MYO5B: variants seen among roughly 807,000 people sequenced by gnomAD.
The protein encoded by MYO5B is myosin VB, also known as unconventional myosin-Vb.
A neutral mutation model predicts 229.3 loss-of-function variants in MYO5B; 143 were observed. The ratio of observed to expected loss-of-function variants is 0.62; its 90% CI spans 0.54 to 0.72. MYO5B has a LOEUF of 0.72. Ranked by LOEUF, MYO5B falls within the 30% of genes least tolerant of loss-of-function variation. The pLI, the probability that MYO5B is intolerant of heterozygous loss-of-function variation, is 0.00. For missense variants in MYO5B, 2,321 were observed against 2,331.0 expected (o/e 1.00, Z 0.09); for synonymous variants, 918 against 885.2 (o/e 1.04, Z -0.66).
chr18:49,933,996 C>T (rs565575651), intron 16 of MYO5B, among the ~76,000 whole-genome samples: 5 of 152,258 alleles, frequency 3.3e-5, no homozygotes, highest in African/African-American at 1.2e-4. Flanking sequence ...CCACCTCAGC[C>T]TCTGGAGTAG....
chr18:49,903,769 A>C (rs1487882636), intron 20 of MYO5B, among the ~76,000 whole-genome samples: 1 of 152,248 alleles, frequency 6.6e-6, no homozygotes, highest in Non-Finnish European at 1.5e-5. Context: ...TCTGTGCTTC[A>C]GATGTGTTGG....
intron 1 of MYO5B, among the ~76,000 whole-genome samples, chr18:50,145,244 T>C (rs2032481055): frequency 6.6e-6 from 1 of 151,938 alleles, no homozygotes; most frequent in Admixed American, 6.6e-5. Flanking sequence ...TCTCAGCACT[T>C]TGGGAGGCCA....
At chr18:50,193,260 C>G (rs938936693) in intron 1 of MYO5B, among the ~76,000 whole-genome samples, 2 of 152,236 alleles carry the variant, frequency 1.3e-5, no homozygotes, top group Admixed American at 6.5e-5. Context: ...AGAGTTCACG[C>G]CCTGGCTCCC....
At chr18:49,862,369 A>G (rs936555040) in intron 29 of MYO5B, among the ~76,000 whole-genome samples, 3 of 152,218 alleles carry the variant, frequency 2.0e-5, no homozygotes, top group Admixed American at 1.3e-4. Context: ...TCACGGCAGT[A>G]ACACTCATCA....
rs146240493 is a variant in MYO5B at position 50,056,413 on chromosome 18, T to C, written c.28-1035A>G. The stretch of plus-strand genomic sequence containing the variant: ...GCTGAATGGCAGCATCTGGATCTCC[T>C]GGGATCCTACTGCACAGCTGTCAGA... On this transcript the variant is annotated intron_variant, in intron 1 of 39. Coordinates refer to ENST00000285039, the MANE Select transcript of MYO5B (RefSeq NM_001080467.3). Among the ~76,000 whole-genome samples, 15 of 152,326 alleles carry C rather than the reference T, an allele frequency of 9.8e-5. No individual in the cohort carries two copies. The East Asian group carries it at 2.9e-3, about 29-fold the overall frequency.
intron 10 of MYO5B, among the ~76,000 whole-genome samples, chr18:49,974,097 T>C (rs532626881): frequency 1.9e-4 from 29 of 152,230 alleles, no homozygotes; most frequent in Non-Finnish European, 3.8e-4. Context: ...GGGTTTCTCA[T>C]TGGGAAACTC....
At chr18:49,992,165 A>G in intron 6 of MYO5B, 123 bp downstream of exon 6, 1 of 1,348,660 alleles carries the variant, frequency 7.4e-7, no homozygotes, top group Non-Finnish European at 1.1e-6. Flanking sequence ...CCAAAAGAAC[A>G]ACTACATTCA....
intron 26 of MYO5B, among the ~76,000 whole-genome samples, chr18:49,873,092 A>G (rs1272008419): frequency 6.6e-6 from 1 of 152,240 alleles, no homozygotes; most frequent in Non-Finnish European, 1.5e-5. Context: ...AACACTCTGT[A>G]ATGCTGTCTG....
At chr18:49,992,525 T>G in intron 5 of MYO5B, 94 bp from the exon 6 acceptor site, 4 of 1,559,770 alleles carry the variant, frequency 2.6e-6, no homozygotes, top group Non-Finnish European at 2.6e-6. Context: ...CCCCTTTCTC[T>G]TCCTTACTTA....
chr18:49,992,155 C>A (rs2025940091), intron 6 of MYO5B, 133 bp downstream of exon 6: 2 of 1,290,062 alleles, frequency 1.6e-6, no homozygotes, highest in Non-Finnish European at 2.2e-6. Context: ...AAGATAAGAA[C>A]CAAAAGAACA....
intron 30 of MYO5B, among the ~76,000 whole-genome samples, chr18:49,855,707 G>A (rs1201796008): frequency 6.6e-6 from 1 of 152,218 alleles, no homozygotes; most frequent in African/African-American, 2.4e-5. Flanking sequence ...GACCCACCAT[G>A]TCACCTTGCT....
intron 2 of MYO5B, among the ~76,000 whole-genome samples, chr18:50,043,112 A>G (rs560844495): frequency 2.0e-5 from 3 of 151,286 alleles, no homozygotes; most frequent in African/African-American, 7.3e-5. Flanking sequence ...AAGTCATTAC[A>G]TGAAAAAGAT....
chr18:50,108,215 C>A (rs1315133864), intron 1 of MYO5B, among the ~76,000 whole-genome samples: 1 of 152,196 alleles, frequency 6.6e-6, no homozygotes, highest in Non-Finnish European at 1.5e-5. Flanking sequence ...GCCCATTATC[C>A]TGTCTCTTGA....
chr18:50,021,841 A>T (rs949099006), intron 4 of MYO5B, among the ~76,000 whole-genome samples: 3 of 151,986 alleles, frequency 2.0e-5, no homozygotes, highest in Non-Finnish European at 4.4e-5. Context: ...CTTCTGTACC[A>T]GATCTATGTT....
chr18:49,960,308 TGA>T (rs1408168998), intron 12 of MYO5B, among the ~76,000 whole-genome samples: 1 of 152,170 alleles, frequency 6.6e-6, no homozygotes, highest in African/African-American at 2.4e-5. Flanking sequence ...GCAAAGTATC[TGA>T]GAGACAGGGA....
intron 4 of MYO5B, among the ~76,000 whole-genome samples, chr18:50,018,430 C>T (rs1289771085): frequency 6.6e-6 from 1 of 152,022 alleles, no homozygotes; most frequent in Non-Finnish European, 1.5e-5. Context: ...TCCTTATATG[C>T]TATAAACTGT....
intron 17 of MYO5B, among the ~76,000 whole-genome samples, chr18:49,914,789 A>AG (rs1568029377): frequency 6.6e-6 from 1 of 151,762 alleles, no homozygotes; most frequent in African/African-American, 2.4e-5. Context: ...AAAAAAAAAA[A>AG]AAAAGAAAAG....
chr18:50,031,786 T>C (rs879909754), intron 4 of MYO5B, among the ~76,000 whole-genome samples: 5 of 152,232 alleles, frequency 3.3e-5, no homozygotes, highest in Non-Finnish European at 5.9e-5. Flanking sequence ...AATTTCTCCA[T>C]TGCCCTATGC....
intron 24 of MYO5B, among the ~76,000 whole-genome samples, chr18:49,878,571 GA>G (rs2024552167): frequency 6.6e-6 from 1 of 152,106 alleles, no homozygotes; most frequent in Admixed American, 6.5e-5. Flanking sequence ...ATCAGATTAG[GA>G]GACACAATCA....
Sources: gnomAD v4.1 joint callset for allele counts (sites outside exome capture counted in the v4.1 genomes callset) on GRCh38, gnomAD v4.1.1 for gene constraint, MANE v1.5 for transcripts, NCBI Gene and HGNC (gene_info 2026-07-23, HGNC 2026-07-21) for gene names.